MEI1: variants seen among roughly 807,000 people sequenced by gnomAD.
The protein encoded by MEI1 is meiosis inhibitor protein 1.
A neutral mutation model predicts 146.2 loss-of-function variants in MEI1; 103 were observed. The observed-to-expected ratio is 0.70, with a 90% CI of 0.60 to 0.83. MEI1 has a LOEUF of 0.83. MEI1 is among the 40% of genes least tolerant of loss of function. MEI1 has a pLI of 0.00. For missense variants in MEI1, 1,529 were observed against 1,533.0 expected (o/e 1.00, Z 0.04); for synonymous variants, 652 against 628.2 (o/e 1.04, Z -0.57).
intron 7 of MEI1, 37 bp from the exon 8 acceptor site, chr22:41,729,628 G>A: frequency 7.2e-7 from 1 of 1,385,254 alleles, no homozygotes; most frequent in East Asian, 2.4e-5. Flanking sequence ...CCTATTCGTG[G>A]TGTGACTGGG....
At position 41,770,976 on chromosome 22, in the gene MEI1, A is replaced by G; in HGVS notation, c.2544+15A>G. The stretch of plus-strand genomic sequence containing the variant: ...TCATCTTGCTGGTAGGCAACCACTC[A>G]TTCATTTCTACATTCAGAAATCGTG... On this transcript the variant is annotated intron_variant, in intron 20 of 30. Coordinates refer to ENST00000401548, the MANE Select transcript of MEI1 (RefSeq NM_152513.4). 3 of 1,609,864 alleles carry G rather than the reference A, an allele frequency of 1.9e-6. No homozygotes were observed. Among genetic ancestry groups the G allele is most frequent in the Non-Finnish European group, 2.5e-6 (3 of 1,177,514 alleles).
At chr22:41,705,818 C>G (rs1425101699) in intron 3 of MEI1, among the ~76,000 whole-genome samples, 1 of 151,626 alleles carries the variant, frequency 6.6e-6, no homozygotes, top group Admixed American at 6.6e-5. Flanking sequence ...AGCGATTCTC[C>G]TGCCTCAGCT....
chr22:41,761,547 C>T (rs2074493656), intron 18 of MEI1, among the ~76,000 whole-genome samples: 2 of 152,024 alleles, frequency 1.3e-5, no homozygotes, highest in African/African-American at 4.8e-5. Flanking sequence ...ATCTCCTGAC[C>T]TCGTGATCTG....
Position 41,794,492 on chromosome 22 carries a change from G to C in MEI1, c.3534+15G>C, listed in dbSNP as rs545430281. On this transcript the variant is annotated intron_variant, in intron 28 of 30. Transcript: ENST00000401548. ...TCATGACCCTGGTAAGTGCAGAAAG[G>C]ATATCTTGTGGTCTGAGGAGTGTCA... 2 of 1,605,338 alleles carry C rather than the reference G, an allele frequency of 1.2e-6. No homozygotes were observed. Among genetic ancestry groups the C allele is most frequent in the African/African-American group, 2.7e-5 (2 of 74,880 alleles).
chr22:41,770,630 G>T (rs1359956929), intron 19 of MEI1, 56 bp from the exon 20 acceptor site: 4 of 1,517,574 alleles, frequency 2.6e-6, no homozygotes, highest in African/African-American at 1.4e-5. Context: ...GCCATGTTGG[G>T]GTCTCTTGGG....
At position 41,723,972 on chromosome 22, in the gene MEI1, C is replaced by T. The variant is rs1375303761; in HGVS notation, c.763C>T (p.Leu255Phe). The T allele has an allele frequency of 3.1e-6, 5 of 1,609,056 alleles. No individual in the cohort carries two copies. Residue 255 changes from leucine (L) to phenylalanine (F), a missense_variant, in exon 7 of 31, where the codon CTC becomes TTC. Around this residue, in one of 3 missense-constraint regions of MEI1, gnomAD observed 1,212 missense variants for 1,178.9 expected, o/e 1.03. Coordinates refer to ENST00000401548, the MANE Select transcript of MEI1 (RefSeq NM_152513.4). ...GLLRQLLKYD[L>F]FVSMIMNQDG... Reference sequence around the variant, plus strand: ...GCTGAGGCAGCTGTTGAAGTATGATCTCTTTGTGTCCATGATCATGAACCA... The same window carrying T: ...GCTGAGGCAGCTGTTGAAGTATGATTTCTTTGTGTCCATGATCATGAACCA...
chr22:41,795,962 G>C lies in MEI1; in HGVS notation c.3779+115G>C, dbSNP rs1272335365. ...GTAGCAGTGTCCTCTCTCATGAAGA[G>C]GTGGGTGATGTTCTGCAAGGTGTGG... On this transcript the variant is annotated intron_variant, in intron 30 of 30. Transcript: ENST00000401548. The surrounding 1 kb of genome is among the most constrained non-coding windows in gnomAD (Gnocchi z 4.2). 1.6e-5 allele frequency: 26 copies of C among 1,612,108 alleles called. No homozygotes were observed. The Middle Eastern group carries it at 1.1e-3, about 66-fold the overall frequency.
chr22:41,729,493 A>C (rs2071668472), intron 7 of MEI1, among the ~76,000 whole-genome samples, 172 bp from the exon 8 acceptor site: 1 of 151,890 alleles, frequency 6.6e-6, no homozygotes, highest in African/African-American at 2.4e-5. Flanking sequence ...GTTCACGGAG[A>C]CCCCTTCCCA....
At chr22:41,716,603 C>G (rs1401645080) in intron 5 of MEI1, among the ~76,000 whole-genome samples, 1 of 151,626 alleles carries the variant, frequency 6.6e-6, no homozygotes, top group African/African-American at 2.4e-5. Context: ...CTTGACCTCC[C>G]AACCTCAGGT....
rs2148257041 is a variant in MEI1, at chr22:41,794,459, T to G, written c.3516T>G (p.Ile1172Met). The change falls in exon 28 of 31, where the codon ATT (isoleucine) becomes ATG (methionine). Residue 1172 changes from isoleucine (I) to methionine (M), a missense_variant. By Grantham distance (10) the Ile-to-Met change is conservative. Coordinates refer to ENST00000401548, the MANE Select transcript of MEI1 (RefSeq NM_152513.4). ...AGAATTCCTTCCTCAGACCTGAGAT[T>G]TTGAGGCTCATGACCCTGGTAAGTG... ...AGENSFLRPE[I>M]LRLMTLFMRY... The G allele has an allele frequency of 1.2e-6, 2 of 1,613,824 alleles. No homozygotes were observed. Among genetic ancestry groups the G allele is most frequent in the East Asian group, 4.5e-5 (2 of 44,884 alleles).
chr22:41,709,192 TAC>T, intron 3 of MEI1: 3 of 813,544 alleles, frequency 3.7e-6, no homozygotes, highest in Non-Finnish European at 4.3e-6. Flanking sequence ...TCACCAGAAG[TAC>T]ACAGTTACCA....
rs200941710 is a variant in MEI1 at position 41,784,675 on chromosome 22, G to A, written c.3237G>A (p.Val1079=). 8.7e-6 allele frequency: 14 copies of A among 1,613,536 alleles called. No individual in the cohort carries two copies. The highest frequency in any genetic ancestry group is 1.7e-4 in the Middle Eastern group (1 of 6,060). The change falls in exon 26 of 31, where the codon GTG becomes GTA. Residue 1079 remains valine (V), a synonymous_variant. Transcript: ENST00000401548. ...TTTCCTCTGCCCTGGTAGCCCTGGT[G>A]CCCTCAGGGGCCCAGCCACTGCCAG... ...QSFSSALVAL[V]PSGAQPLPAT...
chr22:41,769,859 G>C (rs1160803132), intron 19 of MEI1, among the ~76,000 whole-genome samples: 1 of 151,890 alleles, frequency 6.6e-6, no homozygotes, highest in African/African-American at 2.4e-5. Context: ...ACAAGGCCGG[G>C]CACGGTGGCT....
intron 17 of MEI1, among the ~76,000 whole-genome samples, chr22:41,757,173 C>T (rs928143708): frequency 5.9e-5 from 9 of 152,270 alleles, no homozygotes; most frequent in Non-Finnish European, 1.3e-4. Flanking sequence ...CGGCTCACTG[C>T]AGGCTCCGCC....
chr22:41,737,807 T>A (rs1018244487), intron 11 of MEI1, among the ~76,000 whole-genome samples: 3 of 152,080 alleles, frequency 2.0e-5, no homozygotes, highest in Non-Finnish European at 4.4e-5. Flanking sequence ...TGGCTCCTCA[T>A]AGGTAGTCAA....
intron 26 of MEI1, among the ~76,000 whole-genome samples, chr22:41,785,330 T>A (rs1355098361): frequency 6.6e-6 from 1 of 151,680 alleles, no homozygotes; most frequent in East Asian, 1.9e-4. Context: ...TGGCGTGATC[T>A]CGACTCACTG....
At position 41,770,699 on chromosome 22, in the gene MEI1, C is replaced by A. The variant is rs2075129804; in HGVS notation, c.2282C>A (p.Ala761Glu). The A allele has an allele frequency of 6.2e-7, 1 of 1,613,644 alleles. No homozygotes were observed. The highest frequency in any genetic ancestry group is 1.3e-5 in the African/African-American group (1 of 74,904). The change falls in exon 20 of 31, where the codon GCA becomes GAA. Residue 761 changes from alanine to glutamate, a missense_variant. Coordinates refer to ENST00000401548, the MANE Select transcript of MEI1 (RefSeq NM_152513.4). ...DNTLRETMVSAIRKFLEGIPD... is the reference protein window; with the variant it reads ...DNTLRETMVSEIRKFLEGIPD... ...TTTTGCCTCCAGACTATGGTCAGTG[C>A]AATCAGAAAATTCCTAGAAGGCATC...
intron 26 of MEI1, among the ~76,000 whole-genome samples, chr22:41,785,912 TTTA>T (rs2075962652): frequency 1.6e-5 from 2 of 125,010 alleles, no homozygotes; most frequent in Admixed American, 9.3e-5. Flanking sequence ...TATTTTTTAT[TTTA>T]TTTTTTTTTT....
intron 15 of MEI1, among the ~76,000 whole-genome samples, chr22:41,748,522 A>AAAAGATT (rs1318126645): frequency 3.3e-5 from 5 of 152,190 alleles, no homozygotes; most frequent in Non-Finnish European, 5.9e-5. Context: ...CATCTCTAAA[A>AAAAGATT]AAAGATTAAA....
Sources: gnomAD v4.1 joint callset for allele counts (sites outside exome capture counted in the v4.1 genomes callset) on GRCh38, gnomAD v4.1.1 for gene constraint, gnomAD v4.1.1 regional missense constraint, Gnocchi (gnomAD v3.1) non-coding constraint, MANE v1.5 for transcripts, NCBI Gene and HGNC (gene_info 2026-07-23, HGNC 2026-07-21) for gene names.